ACOX3: variants seen among roughly 807,000 people sequenced by gnomAD.
ACOX3 encodes acyl-CoA oxidase 3, pristanoyl.
ACOX3 carries 73 observed loss-of-function variants against 81.5 expected under a neutral mutation model. That is an observed-to-expected ratio of 0.90 (90% confidence interval 0.74 to 1.09). The LOEUF (loss-of-function observed/expected upper bound fraction) is 1.09, where lower values mean the gene tolerates loss of function less well. Ranked by LOEUF, ACOX3 falls within the 50% of genes least tolerant of loss-of-function variation. The probability of loss-of-function intolerance (pLI) is 0.00; values close to 1 mark genes in which losing one functional copy is unlikely to be tolerated. For missense variants in ACOX3, 947 were observed against 928.0 expected (o/e 1.02, Z -0.27); for synonymous variants, 387 against 375.1 (o/e 1.03, Z -0.37).
Position 8,419,987 on chromosome 4 carries a change from T to C in ACOX3, c.-14-3452A>G, listed in dbSNP as rs1222695554. ...TCTCTCCAGCCTGATAAAACCCTCA[T>C]AACAACCTCCAGTTACTGAGCTGGT... On this transcript the variant is annotated intron_variant, in intron 1 of 17. Coordinates refer to ENST00000356406, the MANE Select transcript of ACOX3 (RefSeq NM_003501.3). The surrounding 1 kb of genome is among the most constrained non-coding windows in gnomAD (Gnocchi z 4.2). Among the ~76,000 whole-genome samples, 8 of 152,208 alleles carry C rather than the reference T, an allele frequency of 5.3e-5. No homozygotes were observed. The highest frequency in any genetic ancestry group is 1.2e-4 in the Non-Finnish European group (8 of 68,042).
chr4:8,387,563 G>A (rs1718463123), intron 13 of ACOX3, among the ~76,000 whole-genome samples: 1 of 152,254 alleles, frequency 6.6e-6, no homozygotes, highest in Non-Finnish European at 1.5e-5. Context: ...GCGAGATGGA[G>A]GCGTTGCTGC....
chr4:8,385,115 C>G lies in ACOX3; in HGVS notation c.1538-3508G>C, dbSNP rs1718149502. The stretch of plus-strand genomic sequence containing the variant: ...TCCCCACTGTCTCGCAGAAGGAAAA[C>G]AGGCTCAGAGAGATTAAAGCCTAGC... On this transcript the variant is annotated intron_variant, in intron 13 of 17. Transcript: ENST00000356406. This position sits in a 1 kb window ranked among gnomAD's most constrained non-coding sequence, Gnocchi z 5.5. 6.6e-6 allele frequency among the ~76,000 whole-genome samples: 1 copy of G among 152,200 alleles called. No homozygotes were observed. The highest frequency in any genetic ancestry group is 1.5e-5 in the Non-Finnish European group (1 of 68,028).
intron 9 of ACOX3, among the ~76,000 whole-genome samples, chr4:8,396,503 C>A (rs1474882776): frequency 6.6e-6 from 1 of 151,886 alleles, no homozygotes; most frequent in Non-Finnish European, 1.5e-5. Flanking sequence ...ACAGCAGAAC[C>A]CTGTCTCTAC....
the ACOX3 span, among the ~76,000 whole-genome samples, chr4:8,360,565 G>C: frequency 2.0e-5 from 3 of 151,530 alleles, no homozygotes; most frequent in East Asian, 5.8e-4. Flanking sequence ...TCCGCCTCCT[G>C]GGTTCATGCC....
At position 8,381,623 on chromosome 4, in the gene ACOX3, CAGAAGGA is replaced by C; in HGVS notation, c.1538-23_1538-17del. 2 of 1,582,362 alleles carry C rather than the reference CAGAAGGA, an allele frequency of 1.3e-6. No homozygotes were observed. Among genetic ancestry groups the C allele is most frequent in the Non-Finnish European group, 1.7e-6 (2 of 1,152,858 alleles). On this transcript the variant is annotated splice_polypyrimidine_tract_variant and intron_variant, in intron 13 of 17. Coordinates refer to ENST00000356406, the MANE Select transcript of ACOX3 (RefSeq NM_003501.3). The surrounding 1 kb of genome is among the most constrained non-coding windows in gnomAD (Gnocchi z 4.3). ...GCCAGGGCGACTTCGGAATGACAAA[CAGAAGGA>C]GAAAAAGTAACAATAGAGAACACAG...
chr4:8,377,321 T>C (rs12499366), intron 14 of ACOX3, among the ~76,000 whole-genome samples: 6,736 of 152,070 alleles, frequency 0.044, 304 homozygotes, highest in African/African-American at 0.12. Context: ...TGTTTTTCCA[T>C]GAAAGTGACA....
In ACOX3 at chr4:8,416,110, C is replaced by T. The variant is rs574120919; in HGVS notation, c.145-111G>A. ...AGGCTTCATGGGACACAGTCTGACC[C>T]GGAGACACCCAGACAGAGATATGAC... On this transcript the variant is annotated intron_variant, in intron 2 of 17. Transcript: ENST00000356406. The surrounding 1 kb of genome is among the most constrained non-coding windows in gnomAD (Gnocchi z 4.2). The T allele has an allele frequency of 2.8e-4, 315 of 1,132,704 alleles. No individual in the cohort carries two copies. Among genetic ancestry groups the T allele is most frequent in the Middle Eastern group, 1.4e-3 (7 of 4,892 alleles). The allele number at this position is 1,132,704 out of a possible 1,614,324, so 70.2% of individuals were successfully genotyped here. A position where few individuals can be genotyped will look rare whatever the true frequency, so the allele number is the denominator to read the frequency against.
chr4:8,358,982 G>A, the ACOX3 span, among the ~76,000 whole-genome samples: 1 of 152,138 alleles, frequency 6.6e-6, no homozygotes. Flanking sequence ...TCGGGGTCTG[G>A]ATTGGGACCC....
intron 10 of ACOX3, 92 bp from the exon 11 acceptor site, chr4:8,392,545 A>T: frequency 7.5e-7 from 1 of 1,340,692 alleles, no homozygotes; most frequent in African/African-American, 1.5e-5. Context: ...CCACCATATC[A>T]CCTCTAGTCT....
intron 16 of ACOX3, among the ~76,000 whole-genome samples, chr4:8,373,256 C>A (rs994377885): frequency 6.6e-6 from 1 of 151,670 alleles, no homozygotes; most frequent in Non-Finnish European, 1.5e-5. Context: ...GCCATATTTT[C>A]TTGTAATCCT....
At chr4:8,415,364 A>G (rs1236440234) in intron 3 of ACOX3, among the ~76,000 whole-genome samples, 1 of 152,130 alleles carries the variant, frequency 6.6e-6, no homozygotes, top group African/African-American at 2.4e-5. Flanking sequence ...GGTATGTTAC[A>G]AAGGAAGGAA....
intron 7 of ACOX3, among the ~76,000 whole-genome samples, chr4:8,402,728 GGTGT>G (rs1191643400): frequency 1.3e-5 from 2 of 152,190 alleles, no homozygotes; most frequent in Non-Finnish European, 2.9e-5. Context: ...GTGTGTCACA[GGTGT>G]GTGTGTGCAC....
intron 1 of ACOX3, among the ~76,000 whole-genome samples, chr4:8,428,123 C>G (rs1232695591): frequency 6.6e-6 from 1 of 152,248 alleles, no homozygotes; most frequent in Non-Finnish European, 1.5e-5. Flanking sequence ...CTGCCTAGTT[C>G]AATGTGTAAA....
intron 6 of ACOX3, among the ~76,000 whole-genome samples, chr4:8,409,669 G>A (rs1721473262): frequency 6.7e-6 from 1 of 149,564 alleles, no homozygotes; most frequent in Non-Finnish European, 1.5e-5. Flanking sequence ...GGGCAGGACT[G>A]TCTGCACTGT....
At chr4:8,393,148 GAAA>G (rs71974054) in intron 10 of ACOX3, 17,604 of 143,206 alleles carry the variant, frequency 0.12, 1,723 homozygotes, top group African/African-American at 0.29. Context: ...AAAAAAAAAA[GAAA>G]GAAGACTCCT....
In ACOX3 at chr4:8,397,039, G is replaced by C. The variant is rs774670403; in HGVS notation, c.954C>G (p.Asn318Lys). Reference protein sequence around the residue: ...RVSIVSLAILNLKLAVAIALR... With the variant: ...RVSIVSLAILKLKLAVAIALR... ...GAGCGATGGCCACGGCCAGCTTTAG[G>C]TTAAGGATGGCCAGGCTCACGATGG... Residue 318 changes from asparagine to lysine, a missense_variant, in exon 9 of 18, where the codon AAC (asparagine) becomes AAG (lysine). Physicochemically the swap from Asn to Lys is moderately conservative, Grantham distance 94. Transcript: ENST00000356406. 1.2e-6 allele frequency: 2 copies of C among 1,610,380 alleles called. No individual in the cohort carries two copies. Among genetic ancestry groups the C allele is most frequent in the Non-Finnish European group, 1.7e-6 (2 of 1,178,422 alleles).
chr4:8,381,906 G>A lies in ACOX3; in HGVS notation c.1538-299C>T, dbSNP rs1717702041. 6.6e-6 allele frequency among the ~76,000 whole-genome samples: 1 copy of A among 152,254 alleles called. No homozygotes were observed. Among genetic ancestry groups the A allele is most frequent in the Non-Finnish European group, 1.5e-5 (1 of 68,046 alleles). On this transcript the variant is annotated intron_variant, in intron 13 of 17. Transcript: ENST00000356406. This position sits in a 1 kb window ranked among gnomAD's most constrained non-coding sequence, Gnocchi z 4.3. Reference sequence around the variant, plus strand: ...GAACACGGTGCCGCCGCTAGAGTGGGCCCCCGAGTGGGACGGCTGCACGTT... The same window carrying A: ...GAACACGGTGCCGCCGCTAGAGTGGACCCCCGAGTGGGACGGCTGCACGTT...
intron 7 of ACOX3, among the ~76,000 whole-genome samples, chr4:8,401,866 C>T (rs1720407893): frequency 6.6e-6 from 1 of 152,226 alleles, no homozygotes; most frequent in Non-Finnish European, 1.5e-5. Context: ...GCCCTCGGCC[C>T]ACCTGGGAAT....
In ACOX3 at chr4:8,407,076, G is replaced by A. The variant is rs572798978; in HGVS notation, c.688-1033C>T. The stretch of plus-strand genomic sequence containing the variant: ...GGCAACGGGCGTCTTCCCAGATGCT[G>A]GCATCACTGCTAGACCAAGGAGCCC... On this transcript the variant is annotated intron_variant, in intron 6 of 17. Coordinates refer to ENST00000356406, the MANE Select transcript of ACOX3 (RefSeq NM_003501.3). This position sits in a 1 kb window ranked among gnomAD's most constrained non-coding sequence, Gnocchi z 4.6. 2.0e-5 allele frequency among the ~76,000 whole-genome samples: 3 copies of A among 152,314 alleles called. No homozygotes were observed. The East Asian group carries it at 5.8e-4, about 29-fold the overall frequency.
Sources: allele counts gnomAD v4.1 joint callset (sites outside exome capture counted in the v4.1 genomes callset), GRCh38; gene constraint gnomAD v4.1.1; non-coding constraint Gnocchi (gnomAD v3.1); transcripts MANE v1.5; gene names NCBI Gene and HGNC (gene_info 2026-07-23, HGNC 2026-07-21).